The following DUOX2 variants were observed in gnomAD, a reference collection of about 807,000 sequenced individuals.
DUOX2 encodes NADH/NADPH thyroid oxidase p138-tox.
A neutral mutation model predicts 183.3 loss-of-function variants in DUOX2; 185 were observed. The ratio of observed to expected loss-of-function variants is 1.01; its 90% CI spans 0.90 to 1.14. The LOEUF (loss-of-function observed/expected upper bound fraction) is 1.14, where lower values mean the gene tolerates loss of function less well. Among genes scored for constraint, DUOX2 ranks in the 50% most tolerant of loss-of-function variants. The probability of loss-of-function intolerance (pLI) is 0.00; values close to 1 mark genes in which losing one functional copy is unlikely to be tolerated. For missense variants in DUOX2, 1,999 were observed against 2,022.9 expected (o/e 0.99, Z 0.23); for synonymous variants, 788 against 812.4 (o/e 0.97, Z 0.51).
intron 28 of DUOX2, 73 bp downstream of exon 28, chr15:45,097,541 A>G (rs571752059): frequency 6.8e-6 from 11 of 1,613,138 alleles, no homozygotes; most frequent in African/African-American, 2.7e-5. Context: ...CTTGGATCCA[A>G]TTCTCCCTCT....
At chr15:45,108,324 G>A (rs1339224703) in intron 12 of DUOX2, 102 bp from the exon 13 acceptor site, 4 of 1,374,676 alleles carry the variant, frequency 2.9e-6, no homozygotes, top group Non-Finnish European at 4.1e-6. Context: ...CTGCCTGGCT[G>A]CTGCTCAGGC....
chr15:45,112,019 C>G, intron 4 of DUOX2, 64 bp from the exon 5 acceptor site: 1 of 1,581,192 alleles, frequency 6.3e-7, no homozygotes, highest in Non-Finnish European at 8.6e-7. Flanking sequence ...ACGGCCAGGG[C>G]GGCCTCCAAG....
chr15:45,106,792 G>A (rs1454336959), intron 15 of DUOX2, 40 bp downstream of exon 15: 2 of 1,598,888 alleles, frequency 1.3e-6, no homozygotes, highest in Admixed American at 3.6e-5. Flanking sequence ...AGGAAATGAG[G>A]GGCAGGGCCA....
intron 9 of DUOX2, 138 bp downstream of exon 9, chr15:45,110,290 T>C: frequency 2.5e-6 from 2 of 790,632 alleles, no homozygotes; most frequent in Non-Finnish European, 4.0e-6. Flanking sequence ...TACCCCAGGG[T>C]TCTGTTTCAG....
Position 45,108,923 on chromosome 15 carries a change from G to T in DUOX2, c.1264C>A (p.Arg422Ser). Residue 422 changes from arginine to serine, a missense_variant, in exon 12 of 34, where the codon CGT becomes AGT. Physicochemically the swap from Arg to Ser is moderately radical, Grantham distance 110. This residue lies in a region of DUOX2 where 1,628 missense variants were observed against 1,608.6 expected (regional missense o/e 1.01). Transcript: ENST00000389039. ...DYWPGPGKFSRTDYVASSIQR... is the reference protein window; with the variant it reads ...DYWPGPGKFSSTDYVASSIQR... ...ATGCTGCTGGCCACATAGTCTGTAC[G>T]GGAGAATTTGCCAGGGCCAGGCCAG... 6.8e-6 allele frequency: 11 copies of T among 1,614,220 alleles called. No homozygotes were observed. Among genetic ancestry groups the T allele is most frequent in the Non-Finnish European group, 9.3e-6 (11 of 1,180,040 alleles).
In DUOX2 at chr15:45,095,824, G is replaced by T. The variant is rs754997298; in HGVS notation, c.4080+4C>A. 5 of 1,612,370 alleles carry T rather than the reference G, an allele frequency of 3.1e-6. No individual in the cohort carries two copies. In the South Asian group the frequency reaches 4.4e-5, roughly 14 times the overall value. ...CCGGAAGCAGGGTTCCCAGTGACGG[G>T]CACCTTTGGGTATCCAGCACAGCCA... On this transcript the variant is annotated splice_donor_region_variant and intron_variant, in intron 30 of 33. Coordinates refer to ENST00000389039, the MANE Select transcript of DUOX2 (RefSeq NM_001363711.2).
intron 12 of DUOX2, 76 bp downstream of exon 12, chr15:45,108,713 A>G: frequency 2.8e-6 from 4 of 1,440,082 alleles, no homozygotes; most frequent in Non-Finnish European, 3.9e-6. Context: ...TAAATGAGTC[A>G]ACATATGTAA....
chr15:45,101,594 T>G (rs1894082046), intron 21 of DUOX2, 199 bp downstream of exon 21: 1 of 678,768 alleles, frequency 1.5e-6, no homozygotes, highest in African/African-American at 1.8e-5. Context: ...GATTTCAACC[T>G]GCTCCTTGAC....
At chr15:45,096,363 G>C (rs1292827220) in intron 29 of DUOX2, among the ~76,000 whole-genome samples, 2 of 152,102 alleles carry the variant, frequency 1.3e-5, no homozygotes, top group African/African-American at 2.4e-5. Context: ...AAGGGACTCA[G>C]GCTCACCAGG....
chr15:45,101,120 G>A (rs1894069989), intron 22 of DUOX2, 85 bp downstream of exon 22: 2 of 1,253,288 alleles, frequency 1.6e-6, no homozygotes, highest in East Asian at 4.8e-5. Context: ...GATTTTACCA[G>A]GGGCTGATCA....
intron 32 of DUOX2, 90 bp from the exon 33 acceptor site, chr15:45,094,781 G>C: frequency 6.3e-7 from 1 of 1,598,056 alleles, no homozygotes; most frequent in Admixed American, 1.7e-5. Flanking sequence ...CAGAGAATGG[G>C]GAGGGGAGGG....
chr15:45,109,223 G>T (rs1287406789), intron 11 of DUOX2: 1 of 600,846 alleles, frequency 1.7e-6, no homozygotes, highest in Non-Finnish European at 2.9e-6. Flanking sequence ...TGCCTCCCTA[G>T]TTTCAAGACA....
intron 20 of DUOX2, 69 bp downstream of exon 20, chr15:45,103,891 C>G: frequency 6.4e-7 from 1 of 1,553,190 alleles, no homozygotes; most frequent in Non-Finnish European, 8.9e-7. Context: ...CAGCCCTCCT[C>G]TGACTGGACC....
chr15:45,098,191 T>C (rs1893959889), intron 26 of DUOX2, 133 bp from the exon 27 acceptor site: 6 of 824,508 alleles, frequency 7.3e-6, no homozygotes, highest in Non-Finnish European at 1.2e-5. Flanking sequence ...TGGCCAGGGA[T>C]CCCTCCAAGG....
At chr15:45,105,513 T>C (rs1941982743) in intron 18 of DUOX2, 130 bp downstream of exon 18, 1 of 1,174,842 alleles carries the variant, frequency 8.5e-7, no homozygotes, top group Non-Finnish European at 1.3e-6. Context: ...AATGCCAGGA[T>C]TCAAACAAGG....
chr15:45,097,557 C>T, intron 28 of DUOX2, 57 bp downstream of exon 28: 1 of 1,613,740 alleles, frequency 6.2e-7, no homozygotes, highest in Non-Finnish European at 8.5e-7. Flanking sequence ...CCTCTTTCAC[C>T]TTCCTGTCCC....
intron 4 of DUOX2, 82 bp downstream of exon 4, chr15:45,112,472 G>A (rs1894456230): frequency 6.4e-7 from 1 of 1,560,664 alleles, no homozygotes; most frequent in Admixed American, 1.7e-5. Flanking sequence ...GTCTCCTGTG[G>A]ACTCGCAGAC....
chr15:45,106,733 C>T, intron 15 of DUOX2, 92 bp from the exon 16 acceptor site: 2 of 1,609,454 alleles, frequency 1.2e-6, no homozygotes, highest in Admixed American at 1.7e-5. Flanking sequence ...CCAGAGGTTC[C>T]TTGAGCCTGG....
chr15:45,094,260 C>G lies in DUOX2; in HGVS notation c.4537G>C (p.Gly1513Arg), dbSNP rs748262140. Residue 1513 changes from glycine (G) to arginine (R), a missense_variant, in exon 34 of 34, where the codon GGG (glycine) becomes CGG (arginine). By Grantham distance (125) the Gly-to-Arg change is moderately radical. Transcript: ENST00000389039. ...QEVHPQVRKI[G>R]VFSCGPPGMT... ...CCTGGAGGGCCGCAGCTGAACACCCCGATCTTGCGCACCTGTCAGGAGATT... is the reference window on the plus strand; with the variant it reads ...CCTGGAGGGCCGCAGCTGAACACCCGGATCTTGCGCACCTGTCAGGAGATT... The G allele has an allele frequency of 1.9e-6, 3 of 1,614,166 alleles. No individual in the cohort carries two copies. In the South Asian group the frequency reaches 3.3e-5, roughly 18 times the overall value.
Sources: allele counts gnomAD v4.1 joint callset (sites outside exome capture counted in the v4.1 genomes callset), GRCh38; gene constraint gnomAD v4.1.1; regional missense constraint gnomAD v4.1.1; transcripts MANE v1.5; gene names NCBI Gene and HGNC (gene_info 2026-07-23, HGNC 2026-07-21).